CCSER1: variants seen among roughly 807,000 people sequenced by gnomAD.
The protein encoded by CCSER1 is serine-rich coiled-coil domain-containing protein 1.
Under a neutral mutation model 82.0 loss-of-function variants are expected in CCSER1, and 41 were observed. That is an observed-to-expected ratio of 0.50 (90% confidence interval 0.39 to 0.65). The LOEUF is 0.65. Among genes scored for constraint, CCSER1 ranks in the 30% least tolerant of loss-of-function variants. CCSER1 has a pLI of 0.00. For synonymous variants in CCSER1, 414 were observed against 383.9 expected, an observed-to-expected ratio of 1.08 and a Z score of -0.92; for missense variants, 1,119 against 1,064.2, an observed-to-expected ratio of 1.05 and a Z score of -0.72.
At chr4:90,932,228 G>T (rs899138960) in intron 9 of CCSER1, among the ~76,000 whole-genome samples, 1 of 152,088 alleles carries the variant, frequency 6.6e-6, no homozygotes, top group African/African-American at 2.4e-5. Flanking sequence ...AATGTAATTT[G>T]CATTTCAGAG....
At chr4:90,213,691 C>T (rs942802366) in intron 1 of CCSER1, among the ~76,000 whole-genome samples, 1 of 152,184 alleles carries the variant, frequency 6.6e-6, no homozygotes, top group East Asian at 1.9e-4. Flanking sequence ...TTGTTGTACT[C>T]GACGCCAAGT....
At chr4:90,411,453 G>A (rs1754780896) in intron 4 of CCSER1, among the ~76,000 whole-genome samples, 2 of 152,188 alleles carry the variant, frequency 1.3e-5, no homozygotes, top group African/African-American at 4.8e-5. Flanking sequence ...TCCCTGGGAT[G>A]CAAGGCTGGT....
chr4:90,497,332 C>G (rs1769192060), intron 5 of CCSER1, among the ~76,000 whole-genome samples: 1 of 152,138 alleles, frequency 6.6e-6, no homozygotes, highest in East Asian at 1.9e-4. Flanking sequence ...CAAAAAGAAG[C>G]CTGTTTGTAT....
chr4:90,308,325 G>C lies in CCSER1; in HGVS notation c.41G>C (p.Arg14Pro). The C allele has an allele frequency of 6.2e-7, 1 of 1,604,330 alleles. No homozygotes were observed. The highest frequency in any genetic ancestry group is 8.5e-7 in the Non-Finnish European group (1 of 1,175,142). Reference protein sequence around the residue: ...SGSRRSTLVSRLPIFRRSINR... With the variant: ...SGSRRSTLVSPLPIFRRSINR... ...TCAAGACGATCTACCCTGGTCTCCC[G>C]GTTGCCAATATTCAGAAGAAGTATT... Residue 14 changes from arginine (R) to proline (P), a missense_variant, in exon 2 of 11, where the codon CGG becomes CCG. By Grantham distance (103) the Arg-to-Pro change is moderately radical. Coordinates refer to ENST00000509176, the MANE Select transcript of CCSER1 (RefSeq NM_001145065.2).
intron 9 of CCSER1, among the ~76,000 whole-genome samples, chr4:91,004,201 C>T (rs1376606053): frequency 6.6e-6 from 1 of 152,172 alleles, no homozygotes; most frequent in Non-Finnish European, 1.5e-5. Flanking sequence ...ACACACTGCT[C>T]TGTCTGCAAA....
intron 5 of CCSER1, among the ~76,000 whole-genome samples, chr4:90,545,397 G>A (rs1191045459): frequency 6.6e-6 from 1 of 151,974 alleles, no homozygotes; most frequent in East Asian, 1.9e-4. Flanking sequence ...TTTCTTCAAT[G>A]ACTATAAGGT....
intron 5 of CCSER1, among the ~76,000 whole-genome samples, chr4:90,492,244 G>A (rs541716763): frequency 6.7e-6 from 1 of 149,690 alleles, no homozygotes; most frequent in African/African-American, 2.6e-5. Context: ...GTTTAGTCTT[G>A]GGAGAGTGTA....
chr4:91,251,589 C>A (rs975547025), intron 10 of CCSER1, among the ~76,000 whole-genome samples: 4 of 152,062 alleles, frequency 2.6e-5, no homozygotes, highest in Non-Finnish European at 4.4e-5. Context: ...ATGTCCTATG[C>A]CTACACACAT....
At chr4:91,148,850 C>T (rs1378841819) in intron 10 of CCSER1, among the ~76,000 whole-genome samples, 1 of 152,062 alleles carries the variant, frequency 6.6e-6, no homozygotes, top group Non-Finnish European at 1.5e-5. Context: ...TTCCATGGTG[C>T]ATATGTGCCA....
At chr4:90,819,939 C>G (rs539005949) in intron 8 of CCSER1, among the ~76,000 whole-genome samples, 4 of 152,160 alleles carry the variant, frequency 2.6e-5, no homozygotes, top group Non-Finnish European at 5.9e-5. Context: ...TTGGAGAAAA[C>G]GAGACATACA....
At chr4:91,138,670 T>A (rs1166028160) in intron 10 of CCSER1, among the ~76,000 whole-genome samples, 1 of 111,834 alleles carries the variant, frequency 8.9e-6, no homozygotes, top group Admixed American at 9.9e-5. Context: ...TGGGAGAAAA[T>A]TTTCGCAACC....
intron 9 of CCSER1, among the ~76,000 whole-genome samples, chr4:91,032,054 C>A: frequency 6.6e-6 from 1 of 151,902 alleles, no homozygotes; most frequent in Non-Finnish European, 1.5e-5. Flanking sequence ...CACCTTAATG[C>A]ACTATATTCT....
At chr4:91,101,264 G>C (rs1393652690) in intron 10 of CCSER1, among the ~76,000 whole-genome samples, 1 of 152,210 alleles carries the variant, frequency 6.6e-6, no homozygotes, top group Non-Finnish European at 1.5e-5. Flanking sequence ...TTCCAAGATA[G>C]AGTTCCCCAA....
intron 10 of CCSER1, among the ~76,000 whole-genome samples, chr4:91,190,357 T>G (rs1441290859): frequency 6.6e-6 from 1 of 152,180 alleles, no homozygotes; most frequent in Non-Finnish European, 1.5e-5. Flanking sequence ...TTCTCAGCAA[T>G]CTCTTTCAAA....
At chr4:91,296,449 T>TTATATATATATATATATATATA (rs72475346) in intron 10 of CCSER1, among the ~76,000 whole-genome samples, 14 of 94,072 alleles carry the variant, frequency 1.5e-4, no homozygotes, top group African/African-American at 6.1e-4. Flanking sequence ...GTGTCTAACA[T>TTATATATATATATATATATATA]TATATATATA....
chr4:90,807,009 G>C (rs754548846), intron 7 of CCSER1, among the ~76,000 whole-genome samples: 10 of 151,810 alleles, frequency 6.6e-5, no homozygotes, highest in African/African-American at 2.2e-4. Context: ...GACATATTAT[G>C]CAAGACTTTG....
chr4:90,637,601 A>G (rs1725660702), intron 6 of CCSER1, among the ~76,000 whole-genome samples: 1 of 152,112 alleles, frequency 6.6e-6, no homozygotes, highest in Non-Finnish European at 1.5e-5. Context: ...TTACAGCATC[A>G]ATTCAAAGTG....
chr4:90,445,598 C>T (rs1760539142), intron 4 of CCSER1, among the ~76,000 whole-genome samples: 1 of 151,996 alleles, frequency 6.6e-6, no homozygotes, highest in South Asian at 2.1e-4. Context: ...GCAGGAAATG[C>T]CATTCTTAAG....
chr4:90,389,760 G>A (rs1561148473), intron 3 of CCSER1, among the ~76,000 whole-genome samples: 1 of 152,080 alleles, frequency 6.6e-6, no homozygotes, highest in African/African-American at 2.4e-5. Context: ...AGCACATGGT[G>A]TGTCTGTTCT....
Sources: allele counts gnomAD v4.1 joint callset (sites outside exome capture counted in the v4.1 genomes callset), GRCh38; gene constraint gnomAD v4.1.1; transcripts MANE v1.5; gene names NCBI Gene and HGNC (gene_info 2026-07-23, HGNC 2026-07-21).